PHACTR1: variants seen among roughly 807,000 people sequenced by gnomAD.
The protein encoded by PHACTR1 is RPEL repeat containing 1.
A neutral mutation model predicts 69.2 loss-of-function variants in PHACTR1; 16 were observed. The ratio of observed to expected loss-of-function variants is 0.23; its 90% confidence interval spans 0.16 to 0.35. The LOEUF is 0.35. Among genes scored for constraint, PHACTR1 ranks in the 10% least tolerant of loss-of-function variants. PHACTR1 has a pLI of 1.00. For synonymous variants in PHACTR1, 312 were observed against 284.5 expected, an observed-to-expected ratio of 1.10 and a Z score of -0.97; for missense variants, 510 against 734.7, an observed-to-expected ratio of 0.69 and a Z score of 3.54.
intron 4 of PHACTR1, among the ~76,000 whole-genome samples, chr6:12,799,274 G>A (rs1485004954): frequency 1.3e-5 from 2 of 152,114 alleles, no homozygotes. Context: ...ACAAGGCGAG[G>A]TCATACATCA....
chr6:12,997,963 CA>C (rs111302823), intron 4 of PHACTR1, among the ~76,000 whole-genome samples: 1 of 151,672 alleles, frequency 6.6e-6, no homozygotes, highest in Non-Finnish European at 1.5e-5. Context: ...AAAGAAAAAA[CA>C]AAAAAAATAA....
chr6:13,091,298 C>A (rs1249788822), intron 5 of PHACTR1, among the ~76,000 whole-genome samples: 1 of 152,112 alleles, frequency 6.6e-6, no homozygotes, highest in Non-Finnish European at 1.5e-5. Context: ...TGTGCCTGGC[C>A]GGCACTGCAT....
In PHACTR1 at chr6:13,182,663, C is replaced by T. The variant is rs367868310; in HGVS notation, c.641C>T (p.Pro214Leu). The change falls in exon 7 of 15, where the codon CCG becomes CTG. Residue 214 changes from proline to leucine, a missense_variant. Transcript: ENST00000332995. ...CCCTGCTCATATGAGGTGCTCCAAC[C>T]GTCAGACATCATGGATGGGCCAGGT... The part of the protein sequence containing the change: ...RDPCSYEVLQ[P>L]SDIMDGPDPG... The T allele has an allele frequency of 1.4e-5, 22 of 1,570,814 alleles. No individual in the cohort carries two copies. Among genetic ancestry groups the T allele is most frequent in the South Asian group, 6.0e-5 (5 of 83,838 alleles).
At chr6:13,032,805 C>A (rs1440381000) in intron 4 of PHACTR1, among the ~76,000 whole-genome samples, 2 of 152,062 alleles carry the variant, frequency 1.3e-5, no homozygotes, top group African/African-American at 4.8e-5. Flanking sequence ...GACAGGGTCT[C>A]ACCATGTTAC....
chr6:13,214,539 G>A (rs936493505), intron 8 of PHACTR1, among the ~76,000 whole-genome samples: 3 of 152,170 alleles, frequency 2.0e-5, no homozygotes, highest in Admixed American at 6.6e-5. Flanking sequence ...TGCTAAGATC[G>A]CTAAGGTGTA....
chr6:13,268,449 C>T (rs923248001), intron 10 of PHACTR1, among the ~76,000 whole-genome samples: 3 of 152,128 alleles, frequency 2.0e-5, no homozygotes, highest in Non-Finnish European at 2.9e-5. Context: ...GAATATGTAA[C>T]GTCCCAGGGC....
At chr6:12,847,288 G>T (rs1435199829) in intron 4 of PHACTR1, among the ~76,000 whole-genome samples, 1 of 152,166 alleles carries the variant, frequency 6.6e-6, no homozygotes, top group African/African-American at 2.4e-5. Flanking sequence ...TACAGATATA[G>T]ATAGGTAGGT....
At chr6:13,022,013 C>T (rs376635789) in intron 4 of PHACTR1, among the ~76,000 whole-genome samples, 27 of 152,272 alleles carry the variant, frequency 1.8e-4, no homozygotes, top group South Asian at 1.0e-3. Flanking sequence ...GCTGTCTGTC[C>T]GGTTCTGGCT....
chr6:13,127,689 G>C (rs1201694291), intron 5 of PHACTR1, among the ~76,000 whole-genome samples: 2 of 152,184 alleles, frequency 1.3e-5, no homozygotes, highest in African/African-American at 4.8e-5. Context: ...GGGGTGGTAT[G>C]TTCTTAAGCC....
chr6:12,748,048 G>T (rs1047381690), intron 3 of PHACTR1, among the ~76,000 whole-genome samples: 1 of 152,170 alleles, frequency 6.6e-6, no homozygotes, highest in Non-Finnish European at 1.5e-5. Flanking sequence ...CTATTAGAAG[G>T]ACATGGATAG....
At chr6:12,949,290 AAG>A (rs1791026422) in intron 4 of PHACTR1, among the ~76,000 whole-genome samples, 1 of 151,746 alleles carries the variant, frequency 6.6e-6, no homozygotes, top group African/African-American at 2.4e-5. Flanking sequence ...AAAAAAAAGA[AAG>A]AAAGAAAAGG....
intron 4 of PHACTR1, among the ~76,000 whole-genome samples, chr6:12,925,888 C>T (rs1395399028): frequency 1.3e-5 from 2 of 152,218 alleles, no homozygotes; most frequent in Non-Finnish European, 2.9e-5. Flanking sequence ...TCTCGTGTAT[C>T]TTCAAACTCT....
intron 13 of PHACTR1, among the ~76,000 whole-genome samples, chr6:13,285,422 C>A (rs1172626207): frequency 6.6e-6 from 1 of 152,188 alleles, no homozygotes; most frequent in African/African-American, 2.4e-5. Flanking sequence ...AGAAGGCACA[C>A]GTTTGCAATT....
At chr6:13,118,201 C>T (rs1264560726) in intron 5 of PHACTR1, among the ~76,000 whole-genome samples, 2 of 152,172 alleles carry the variant, frequency 1.3e-5, no homozygotes, top group African/African-American at 4.8e-5. Context: ...GCCAGGAGCA[C>T]CTAGGCTTGA....
At chr6:13,232,713 A>T (rs145380420) in intron 10 of PHACTR1, among the ~76,000 whole-genome samples, 8 of 151,448 alleles carry the variant, frequency 5.3e-5, no homozygotes, top group African/African-American at 1.5e-4. Context: ...GGCTTCCCCA[A>T]TCTCTCTCAG....
At chr6:13,149,680 C>T (rs1292410887) in intron 5 of PHACTR1, among the ~76,000 whole-genome samples, 1 of 152,144 alleles carries the variant, frequency 6.6e-6, no homozygotes, top group Non-Finnish European at 1.5e-5. Context: ...AGGATCTATG[C>T]TTATTGTCTT....
intron 4 of PHACTR1, among the ~76,000 whole-genome samples, chr6:13,033,800 A>G (rs1433947591): frequency 6.6e-6 from 1 of 152,216 alleles, no homozygotes; most frequent in Non-Finnish European, 1.5e-5. Context: ...TTCCTGTCCC[A>G]TAGAGTGCCC....
At chr6:13,191,106 C>G (rs1030709967) in intron 7 of PHACTR1, among the ~76,000 whole-genome samples, 8 of 152,176 alleles carry the variant, frequency 5.3e-5, no homozygotes, top group African/African-American at 1.7e-4. Flanking sequence ...CCCAACCCTC[C>G]ATGTCCTCCT....
At chr6:12,753,766 A>G (rs1302179458) in intron 4 of PHACTR1, among the ~76,000 whole-genome samples, 1 of 151,840 alleles carries the variant, frequency 6.6e-6, no homozygotes, top group African/African-American at 2.4e-5. Flanking sequence ...CTGGCTTGCT[A>G]TGGTTTCCTA....
Sources: allele counts gnomAD v4.1 joint callset (sites outside exome capture counted in the v4.1 genomes callset), GRCh38; gene constraint gnomAD v4.1.1; transcripts MANE v1.5; gene names NCBI Gene and HGNC (gene_info 2026-07-23, HGNC 2026-07-21).